ERICH1: variants seen among roughly 807,000 people sequenced by gnomAD.
ERICH1 encodes glutamate-rich protein 1.
In ERICH1, 56 loss-of-function variants were observed where a neutral mutation model predicts 39.6. The ratio of observed to expected loss-of-function variants is 1.41; its 90% confidence interval spans 1.14 to 1.77. The LOEUF is 1.77. Ranked by LOEUF, ERICH1 falls within the 40% of genes most tolerant of loss-of-function variation. The pLI is 0.00. For missense variants in ERICH1, 826 were observed against 575.4 expected, an observed-to-expected ratio of 1.44 and a Z score of -4.45; for synonymous variants, 313 against 223.6, an observed-to-expected ratio of 1.40 and a Z score of -3.57.
intron 1 of ERICH1, among the ~76,000 whole-genome samples, chr8:719,574 A>G (rs1011377262): frequency 1.3e-5 from 2 of 152,168 alleles, no homozygotes; most frequent in African/African-American, 4.8e-5. Flanking sequence ...TGGAGGAGAC[A>G]CCGCGGGACC....
chr8:639,060 G>T (rs1254313396), intron 3 of ERICH1, among the ~76,000 whole-genome samples: 1 of 152,194 alleles, frequency 6.6e-6, no homozygotes, highest in South Asian at 2.1e-4. Context: ...CCTCACTGAA[G>T]ACCACGGTCC....
intron 3 of ERICH1, among the ~76,000 whole-genome samples, chr8:648,798 C>G (rs59018661): frequency 0.019 from 1,311 of 69,368 alleles, 491 homozygotes; most frequent in East Asian, 0.14. Context: ...TGGGTGAAAA[C>G]CACATTTCAG....
intron 3 of ERICH1, chr8:626,326 T>A (rs959548112): frequency 6.6e-6 from 1 of 152,180 alleles, no homozygotes; most frequent in East Asian, 1.9e-4. Context: ...TGGGAACTTA[T>A]GGCTTGAAAG....
At chr8:729,320 C>G (rs925072884) in intron 1 of ERICH1, among the ~76,000 whole-genome samples, 1 of 152,232 alleles carries the variant, frequency 6.6e-6, no homozygotes, top group African/African-American at 2.4e-5. Context: ...CTGCAACCAC[C>G]CCATGACCCT....
chr8:702,504 G>C (rs888064684), intron 2 of ERICH1, among the ~76,000 whole-genome samples: 96 of 152,264 alleles, frequency 6.3e-4, no homozygotes, highest in African/African-American at 2.2e-3. Context: ...GAAAACACAG[G>C]AGCAGGCACC....
At chr8:657,173 G>T (rs906156091) in intron 3 of ERICH1, among the ~76,000 whole-genome samples, 1 of 152,186 alleles carries the variant, frequency 6.6e-6, no homozygotes, top group Non-Finnish European at 1.5e-5. Context: ...GAAGAAGAAA[G>T]AAACACGAAA....
intron 3 of ERICH1, among the ~76,000 whole-genome samples, chr8:656,597 G>A (rs1242540481): frequency 1.3e-5 from 2 of 152,180 alleles, no homozygotes; most frequent in African/African-American, 4.8e-5. Flanking sequence ...TGTTCGCATT[G>A]AGGCTGAAAT....
intron 3 of ERICH1, among the ~76,000 whole-genome samples, chr8:631,719 A>G (rs1415017301): frequency 6.6e-6 from 1 of 152,096 alleles, no homozygotes; most frequent in East Asian, 1.9e-4. Context: ...AGCGCTTCAC[A>G]CTGGTGCAGC....
chr8:614,796 G>C (rs1796836137), exon 4 of ERICH1: 2 of 165,068 alleles, frequency 1.2e-5, no homozygotes, highest in Non-Finnish European at 2.6e-5. Context: ...GCCCGGCTCT[G>C]TGCCCGACAA....
At chr8:710,371 G>C (rs909691599) in intron 2 of ERICH1, among the ~76,000 whole-genome samples, 11 of 149,728 alleles carry the variant, frequency 7.3e-5, no homozygotes, top group Non-Finnish European at 1.3e-4. Flanking sequence ...GTACGGGGCG[G>C]TTTCACCGTC....
At chr8:700,713 G>A (rs992070457) in intron 2 of ERICH1, among the ~76,000 whole-genome samples, 1 of 71,018 alleles carries the variant, frequency 1.4e-5, no homozygotes, top group African/African-American at 3.7e-5. Context: ...GGTGCTCAGC[G>A]GTGGGAGGTC....
intron 1 of ERICH1, among the ~76,000 whole-genome samples, chr8:720,280 T>C (rs2132397859): frequency 6.6e-6 from 1 of 152,130 alleles, no homozygotes; most frequent in African/African-American, 2.4e-5. Flanking sequence ...GAAACACACC[T>C]GCCCCACGCC....
chr8:658,371 C>T (rs2131724244), intron 3 of ERICH1, among the ~76,000 whole-genome samples: 1 of 152,286 alleles, frequency 6.6e-6, no homozygotes, highest in Middle Eastern at 3.4e-3. Context: ...GGTGGTCAGG[C>T]CAGAGCCCCG....
intron 2 of ERICH1, among the ~76,000 whole-genome samples, chr8:697,430 T>A (rs1371519678): frequency 6.6e-6 from 1 of 152,158 alleles, no homozygotes; most frequent in African/African-American, 2.4e-5. Context: ...AACTCCGTCA[T>A]CCTGCTGCAT....
intron 3 of ERICH1, among the ~76,000 whole-genome samples, chr8:628,392 G>A (rs974164634): frequency 6.6e-6 from 1 of 152,184 alleles, no homozygotes; most frequent in Admixed American, 6.5e-5. Context: ...TGAGAGTGAC[G>A]ATCTCATAAA....
Position 673,393 on chromosome 8 carries a change from T to G in ERICH1, c.959A>C (p.Glu320Ala). 6.2e-7 allele frequency: 1 copy of G among 1,614,094 alleles called. No homozygotes were observed. Among genetic ancestry groups the G allele is most frequent in the Non-Finnish European group, 8.5e-7 (1 of 1,179,994 alleles). ...GEEEGADSGE[E>A]DGADASEEDD... The stretch of plus-strand genomic sequence containing the variant: ...TTCCTCGCTGGCGTCTGCACCGTCC[T>G]CCTCCCCGGAGTCTGCACCCTCTTC... Residue 320 changes from glutamate to alanine, a missense_variant, in exon 4 of 6, where the codon GAG becomes GCG. By Grantham distance (107) the Glu-to-Ala change is moderately radical. Transcript: ENST00000262109.
chr8:657,692 G>A (rs945237166), intron 3 of ERICH1, among the ~76,000 whole-genome samples: 2 of 151,702 alleles, frequency 1.3e-5, no homozygotes, highest in Non-Finnish European at 2.9e-5. Flanking sequence ...GAACGCCAGG[G>A]GCGCCCTTTT....
chr8:703,060 C>G (rs1475908251), intron 2 of ERICH1, among the ~76,000 whole-genome samples: 4 of 152,252 alleles, frequency 2.6e-5, no homozygotes, highest in Non-Finnish European at 5.9e-5. Context: ...CCTCCAGGAG[C>G]TGGAAACTAA....
chr8:673,215 G>T, intron 4 of ERICH1, 74 bp downstream of exon 4: 1 of 1,455,158 alleles, frequency 6.9e-7, no homozygotes. Flanking sequence ...TAACATTTAA[G>T]CATTATATTT....
Sources: allele counts gnomAD v4.1 joint callset (sites outside exome capture counted in the v4.1 genomes callset), GRCh38; gene constraint gnomAD v4.1.1; transcripts MANE v1.5; gene names NCBI Gene and HGNC (gene_info 2026-07-23, HGNC 2026-07-21).